Variants in CSMD1 observed in about 807,000 individuals in gnomAD.
CSMD1 encodes CUB and sushi domain-containing protein 1.
In CSMD1, 213 loss-of-function variants were observed where a neutral mutation model predicts 417.5. The observed-to-expected ratio is 0.51, with a 90% CI of 0.46 to 0.57. CSMD1 has a LOEUF of 0.57. CSMD1 is among the 20% of genes least tolerant of loss of function. CSMD1 has a pLI of 0.00. For synonymous variants in CSMD1, 2,862 were observed against 1,736.8 expected, an observed-to-expected ratio of 1.65 and a Z score of -16.11; for missense variants, 6,923 against 4,529.7, an observed-to-expected ratio of 1.53 and a Z score of -15.17.
chr8:4,619,553 T>C (rs937822288), intron 2 of CSMD1, among the ~76,000 whole-genome samples: 1 of 152,164 alleles, frequency 6.6e-6, no homozygotes, highest in African/African-American at 2.4e-5. Context: ...TAATGCATCT[T>C]GCATTAGTGT....
intron 7 of CSMD1, among the ~76,000 whole-genome samples, chr8:3,686,694 C>A (rs977045197): frequency 6.6e-6 from 1 of 152,194 alleles, no homozygotes; most frequent in Non-Finnish European, 1.5e-5. Context: ...TCTAGCCGAT[C>A]CCTTACCCTC....
At chr8:4,217,407 G>C (rs959673972) in intron 3 of CSMD1, among the ~76,000 whole-genome samples, 3 of 152,068 alleles carry the variant, frequency 2.0e-5, no homozygotes, top group Non-Finnish European at 1.5e-5. Context: ...CTCTAATATA[G>C]TTTGACACAT....
chr8:4,112,052 T>C (rs1481875350), intron 3 of CSMD1, among the ~76,000 whole-genome samples: 1 of 152,166 alleles, frequency 6.6e-6, no homozygotes, highest in African/African-American at 2.4e-5. Context: ...ATGTTAACAT[T>C]TGCAATTTTG....
At chr8:4,590,491 T>C (rs894822453) in intron 2 of CSMD1, among the ~76,000 whole-genome samples, 6 of 152,222 alleles carry the variant, frequency 3.9e-5, no homozygotes, top group South Asian at 2.1e-4. Context: ...ATAAAATTTA[T>C]AGCTTTATTT....
chr8:4,109,969 G>C (rs528647786), intron 3 of CSMD1, among the ~76,000 whole-genome samples: 13 of 152,076 alleles, frequency 8.5e-5, no homozygotes, highest in Non-Finnish European at 1.9e-4. Context: ...CTATGAAAAA[G>C]TCCAAGGACT....
At chr8:4,149,908 A>C (rs560409541) in intron 3 of CSMD1, among the ~76,000 whole-genome samples, 115 of 152,248 alleles carry the variant, frequency 7.6e-4, no homozygotes, top group African/African-American at 2.6e-3. Context: ...TCAGTAATCT[A>C]CCTCTTGGTG....
rs77491177 is a variant in CSMD1 at position 4,248,752 on chromosome 8, C to T, written c.415+171201G>A. ...CTCTATCAACTGACATTACATTACACTTATTAAGCGCATGGTTTACTGTCA... is the reference window on the plus strand; with the variant it reads ...CTCTATCAACTGACATTACATTACATTTATTAAGCGCATGGTTTACTGTCA... On this transcript the variant is annotated intron_variant, in intron 3 of 69. Coordinates refer to ENST00000635120, the MANE Select transcript of CSMD1 (RefSeq NM_033225.6). Among the ~76,000 whole-genome samples the T allele has an allele frequency of 1.2e-4, 18 of 152,214 alleles. No individual in the cohort carries two copies. The East Asian group carries it at 3.5e-3, about 29-fold the overall frequency.
At chr8:4,284,911 G>GTTTCAGGATGCATCA in intron 3 of CSMD1, among the ~76,000 whole-genome samples, 1 of 152,204 alleles carries the variant, frequency 6.6e-6, no homozygotes, top group East Asian at 1.9e-4. Context: ...CCTGAATTCA[G>GTTTCAGGATGCATCA]TTTCAGGATG....
intron 3 of CSMD1, among the ~76,000 whole-genome samples, chr8:4,042,984 T>C (rs553612910): frequency 1.1e-4 from 17 of 151,702 alleles, no homozygotes; most frequent in African/African-American, 4.1e-4. Context: ...AAAAAAAAAT[T>C]AGCTGGGTGT....
At chr8:3,272,623 G>T (rs1241991541) in intron 26 of CSMD1, among the ~76,000 whole-genome samples, 1 of 137,312 alleles carries the variant, frequency 7.3e-6, no homozygotes, top group Non-Finnish European at 1.6e-5. Flanking sequence ...GTGGTTTGTA[G>T]TTCTCCTTGA....
intron 3 of CSMD1, among the ~76,000 whole-genome samples, chr8:4,392,990 A>C (rs147408531): frequency 6.6e-6 from 1 of 152,010 alleles, no homozygotes; most frequent in Non-Finnish European, 1.5e-5. Context: ...ACAAACAAAA[A>C]AGAGAGATGG....
intron 3 of CSMD1, among the ~76,000 whole-genome samples, chr8:4,176,525 A>C (rs1325458344): frequency 6.6e-6 from 1 of 152,038 alleles, no homozygotes; most frequent in Admixed American, 6.5e-5. Context: ...GTGACATATC[A>C]ATCACCATTC....
intron 12 of CSMD1, among the ~76,000 whole-genome samples, chr8:3,410,660 G>A (rs967448379): frequency 2.6e-5 from 4 of 152,142 alleles, no homozygotes; most frequent in African/African-American, 7.2e-5. Flanking sequence ...TTTATAAATT[G>A]CCCAGTCTTG....
chr8:3,238,930 G>C (rs963122636), intron 26 of CSMD1, among the ~76,000 whole-genome samples: 1 of 152,154 alleles, frequency 6.6e-6, no homozygotes, highest in Admixed American at 6.5e-5. Flanking sequence ...GTTGAGAATG[G>C]TGAATAGGAG....
At chr8:3,487,110 T>C (rs1818083009) in intron 11 of CSMD1, among the ~76,000 whole-genome samples, 1 of 152,090 alleles carries the variant, frequency 6.6e-6, no homozygotes, top group Non-Finnish European at 1.5e-5. Context: ...AGGCTAAGAG[T>C]GTACTAGCAT....
chr8:4,757,503 T>C (rs566105408), intron 1 of CSMD1, among the ~76,000 whole-genome samples: 11 of 152,260 alleles, frequency 7.2e-5, no homozygotes, highest in African/African-American at 2.6e-4. Context: ...CTAGGCACAC[T>C]GCAAGAGGGA....
At chr8:4,442,507 T>A (rs1225258287) in intron 2 of CSMD1, among the ~76,000 whole-genome samples, 1 of 152,152 alleles carries the variant, frequency 6.6e-6, no homozygotes, top group African/African-American at 2.4e-5. Context: ...TAAAAGATGT[T>A]ATTCCTTATG....
intron 1 of CSMD1, among the ~76,000 whole-genome samples, chr8:4,904,496 T>G (rs1805106853): frequency 6.6e-6 from 1 of 152,192 alleles, no homozygotes; most frequent in Non-Finnish European, 1.5e-5. Context: ...TCAATCGTCC[T>G]GACTCAGAGC....
intron 3 of CSMD1, among the ~76,000 whole-genome samples, chr8:4,336,324 A>T (rs2128893165): frequency 6.6e-6 from 1 of 152,240 alleles, no homozygotes; most frequent in Admixed American, 6.5e-5. Flanking sequence ...GTAGAAAGGC[A>T]CATTTTTAGT....
Sources: gnomAD v4.1 joint callset for allele counts (sites outside exome capture counted in the v4.1 genomes callset) on GRCh38, gnomAD v4.1.1 for gene constraint, MANE v1.5 for transcripts, NCBI Gene and HGNC (gene_info 2026-07-23, HGNC 2026-07-21) for gene names.